The following ZCCHC7 variants were observed in gnomAD, a reference collection of about 807,000 sequenced individuals.
The protein encoded by ZCCHC7 is zinc finger CCHC-type containing 7.
A neutral mutation model predicts 52.0 loss-of-function variants in ZCCHC7; 35 were observed. The observed-to-expected ratio is 0.67, with a 90% CI of 0.51 to 0.89. The LOEUF (loss-of-function observed/expected upper bound fraction) is 0.89, where lower values mean the gene tolerates loss of function less well. Among genes scored for constraint, ZCCHC7 ranks in the 40% least tolerant of loss-of-function variants. The pLI, the probability that ZCCHC7 is intolerant of heterozygous loss-of-function variation, is 0.00. For synonymous variants in ZCCHC7, 217 were observed against 221.5 expected (o/e 0.98, Z 0.18); for missense variants, 574 against 649.1 (o/e 0.88, Z 1.26).
At chr9:37,229,687 T>A (rs1825304681) in intron 2 of ZCCHC7, among the ~76,000 whole-genome samples, 1 of 152,208 alleles carries the variant, frequency 6.6e-6, no homozygotes, top group Admixed American at 6.5e-5. Flanking sequence ...TGAGTAAATG[T>A]GAAAATTTAC....
At chr9:37,132,567 G>A (rs1842831345) in intron 2 of ZCCHC7, among the ~76,000 whole-genome samples, 1 of 152,090 alleles carries the variant, frequency 6.6e-6, no homozygotes, top group Admixed American at 6.5e-5. Context: ...GCACATGTGT[G>A]TATGCATGTA....
rs1005862561 is a variant in ZCCHC7, at chr9:37,123,679, T to C, written c.-21-2633T>C. On this transcript the variant is annotated intron_variant, in intron 1 of 8. Transcript: ENST00000336755. ...TCTGTGCTGCACTGGAATTATGTTTTGTCTTAAGTCCACACTGGATCCTCA... is the reference window on the plus strand; with the variant it reads ...TCTGTGCTGCACTGGAATTATGTTTCGTCTTAAGTCCACACTGGATCCTCA... 2.6e-5 allele frequency among the ~76,000 whole-genome samples: 4 copies of C among 152,214 alleles called. No individual in the cohort carries two copies. In the South Asian group the frequency reaches 6.2e-4, roughly 24 times the overall value.
chr9:37,331,577 T>G (rs1830451593), intron 6 of ZCCHC7, among the ~76,000 whole-genome samples: 1 of 151,642 alleles, frequency 6.6e-6, no homozygotes, highest in Non-Finnish European at 1.5e-5. Context: ...TCTGAGACTA[T>G]AGCTATGCAA....
At chr9:37,154,796 T>G (rs12343293) in intron 2 of ZCCHC7, among the ~76,000 whole-genome samples, 5,666 of 151,748 alleles carry the variant, frequency 0.037, 238 homozygotes, top group African/African-American at 0.099. Context: ...ACCCGGTCGT[T>G]AATTAGAGAG....
At chr9:37,308,185 C>T (rs1829420887) in intron 5 of ZCCHC7, among the ~76,000 whole-genome samples, 2 of 152,164 alleles carry the variant, frequency 1.3e-5, no homozygotes, top group Non-Finnish European at 2.9e-5. Context: ...GTTGTCATTT[C>T]ATTCCAAAGT....
At chr9:37,139,916 A>G (rs1031043577) in intron 2 of ZCCHC7, among the ~76,000 whole-genome samples, 3 of 151,932 alleles carry the variant, frequency 2.0e-5, no homozygotes, top group Non-Finnish European at 4.4e-5. Flanking sequence ...ACTTTTCAAT[A>G]CTTTTTCTAT....
At chr9:37,261,044 G>A (rs565370908) in intron 2 of ZCCHC7, among the ~76,000 whole-genome samples, 3 of 152,226 alleles carry the variant, frequency 2.0e-5, no homozygotes, top group South Asian at 2.1e-4. Flanking sequence ...TCTCACCACT[G>A]GCTGCTTGAT....
chr9:37,155,156 C>T (rs965433385), intron 2 of ZCCHC7, among the ~76,000 whole-genome samples: 5 of 152,032 alleles, frequency 3.3e-5, no homozygotes, highest in Non-Finnish European at 5.9e-5. Flanking sequence ...GTCAGGAGAT[C>T]GAGACCATCC....
At chr9:37,293,854 A>G (rs751700622) in intron 2 of ZCCHC7, among the ~76,000 whole-genome samples, 3 of 152,108 alleles carry the variant, frequency 2.0e-5, no homozygotes, top group East Asian at 1.9e-4. Flanking sequence ...CGAAAGCTCT[A>G]TATGACCCTC....
chr9:37,186,589 A>G, intron 2 of ZCCHC7: 1 of 392,102 alleles, frequency 2.6e-6, no homozygotes, highest in Non-Finnish European at 4.9e-6. Flanking sequence ...GTTGGCAGTA[A>G]CTGAAGTTTG....
At chr9:37,186,108 T>C (rs1822640755) in intron 2 of ZCCHC7, among the ~76,000 whole-genome samples, 1 of 152,196 alleles carries the variant, frequency 6.6e-6, no homozygotes, top group Admixed American at 6.5e-5. Context: ...TGGGGGTGTG[T>C]GGAAAATCTG....
intron 6 of ZCCHC7, among the ~76,000 whole-genome samples, chr9:37,345,770 A>G (rs1820925172): frequency 6.6e-6 from 1 of 151,862 alleles, no homozygotes; most frequent in African/African-American, 2.4e-5. Context: ...GTCTTAATTT[A>G]TGAACCCCAT....
chr9:37,203,645 T>A (rs539299604), intron 2 of ZCCHC7, among the ~76,000 whole-genome samples: 1 of 152,344 alleles, frequency 6.6e-6, no homozygotes, highest in African/African-American at 2.4e-5. Flanking sequence ...TCTCATTCCT[T>A]TTTGTGGCTG....
At position 37,164,486 on chromosome 9, in the gene ZCCHC7, T is replaced by C. The variant is rs1255387563; in HGVS notation, c.610+37544T>C. On this transcript the variant is annotated intron_variant, in intron 2 of 8. Transcript: ENST00000336755. ...ATAGATAGATAGATAGATAGATAGATAGATAGATAGATAGACAGACAAGAT... is the reference window on the plus strand; with the variant it reads ...ATAGATAGATAGATAGATAGATAGACAGATAGATAGATAGACAGACAAGAT... Among the ~76,000 whole-genome samples the C allele has an allele frequency of 5.5e-5, 8 of 144,192 alleles. No individual in the cohort carries two copies. The South Asian group carries it at 1.9e-3, about 34-fold the overall frequency. The allele number at this position is 144,192 out of a possible 152,430, so 94.6% of individuals were successfully genotyped here. A position where few individuals can be genotyped will look rare whatever the true frequency, so the allele number is the denominator to read the frequency against.
intron 6 of ZCCHC7, among the ~76,000 whole-genome samples, chr9:37,330,658 T>C (rs1157112806): frequency 6.6e-6 from 1 of 151,734 alleles, no homozygotes; most frequent in African/African-American, 2.4e-5. Flanking sequence ...ATAATATAGC[T>C]AAAATATAAC....
intron 2 of ZCCHC7, among the ~76,000 whole-genome samples, chr9:37,301,193 C>T (rs1159902884): frequency 6.6e-6 from 1 of 152,064 alleles, no homozygotes; most frequent in African/African-American, 2.4e-5. Context: ...AATTGTGGGC[C>T]TGCAAGTTAA....
At chr9:37,127,892 C>G (rs973947791) in intron 2 of ZCCHC7, among the ~76,000 whole-genome samples, 1 of 152,158 alleles carries the variant, frequency 6.6e-6, no homozygotes, top group Non-Finnish European at 1.5e-5. Flanking sequence ...CTTAACTACT[C>G]AACTTGGCCC....
chr9:37,183,575 A>G (rs771093884), intron 2 of ZCCHC7, among the ~76,000 whole-genome samples: 1 of 152,228 alleles, frequency 6.6e-6, no homozygotes, highest in Non-Finnish European at 1.5e-5. Context: ...TGATATTCAG[A>G]GTATTTTGAC....
chr9:37,281,958 C>T (rs1453057743), intron 2 of ZCCHC7, among the ~76,000 whole-genome samples: 2 of 152,122 alleles, frequency 1.3e-5, no homozygotes, highest in Non-Finnish European at 2.9e-5. Flanking sequence ...GCACTTTATT[C>T]CTGCTCCCAC....
Sources: allele counts gnomAD v4.1 joint callset (sites outside exome capture counted in the v4.1 genomes callset), GRCh38; gene constraint gnomAD v4.1.1; transcripts MANE v1.5; gene names NCBI Gene and HGNC (gene_info 2026-07-23, HGNC 2026-07-21).